The following VPS8 variants were observed in gnomAD, a reference collection of about 807,000 sequenced individuals.
VPS8 encodes VPS8 subunit of CORVET complex, also known as vacuolar protein sorting-associated protein 8 homolog.
Under a neutral mutation model 216.4 loss-of-function variants are expected in VPS8, and 129 were observed. The observed-to-expected ratio is 0.60, with a 90% CI of 0.52 to 0.69. VPS8 has a LOEUF of 0.69. Ranked by LOEUF, VPS8 falls within the 30% of genes least tolerant of loss-of-function variation. The probability of loss-of-function intolerance (pLI) is 0.00; values close to 1 mark genes in which losing one functional copy is unlikely to be tolerated. For synonymous variants in VPS8, 571 were observed against 565.4 expected (o/e 1.01, Z -0.14); for missense variants, 1,531 against 1,683.5 (o/e 0.91, Z 1.59).
chr3:184,994,048 C>T lies in VPS8; in HGVS notation c.3651C>T (p.Thr1217=), dbSNP rs200228565. 2.6e-6 allele frequency: 4 copies of T among 1,561,128 alleles called. No individual in the cohort carries two copies. In the Admixed American group the frequency reaches 7.7e-5, roughly 30 times the overall value. ...GACTTATCTTGGGAATGTTAGATAC[C>T]TTTAACTATGAACAAGTAAGTAAGC... ...IQGLILGMLD[T]FNYEQTLLET... Residue 1217 remains threonine, a synonymous_variant, in exon 43 of 48, where the codon ACC becomes ACT. Transcript: ENST00000625842.
chr3:184,896,346 T>G (rs1198213086), intron 23 of VPS8, among the ~76,000 whole-genome samples: 1 of 152,172 alleles, frequency 6.6e-6, no homozygotes, highest in African/African-American at 2.4e-5. Flanking sequence ...CCCACTACCA[T>G]GTAAATATAC....
chr3:184,995,494 T>C (rs1028063170), intron 43 of VPS8, among the ~76,000 whole-genome samples: 2 of 152,076 alleles, frequency 1.3e-5, no homozygotes, highest in Non-Finnish European at 2.9e-5. Flanking sequence ...TAATACTGAT[T>C]GGAAAGAAGT....
intron 37 of VPS8, 109 bp downstream of exon 37, chr3:184,957,630 T>C: frequency 7.6e-7 from 1 of 1,315,382 alleles, no homozygotes; most frequent in Non-Finnish European, 1.0e-6. Flanking sequence ...TTTTAAACCT[T>C]ATAAATTCTT....
At chr3:184,976,735 G>A (rs985919794) in intron 40 of VPS8, among the ~76,000 whole-genome samples, 14 of 152,106 alleles carry the variant, frequency 9.2e-5, no homozygotes, top group African/African-American at 2.2e-4. Flanking sequence ...CAGTTTCTGC[G>A]TTAGTTTGCT....
At chr3:184,850,846 CA>C (rs149254220) in intron 10 of VPS8, among the ~76,000 whole-genome samples, 8,359 of 152,146 alleles carry the variant, frequency 0.055, 239 homozygotes, top group South Asian at 0.084. Flanking sequence ...AAGTTAGTTA[CA>C]AAAAAGTCTT....
chr3:184,846,387 A>T (rs1319114185), intron 8 of VPS8, among the ~76,000 whole-genome samples: 1 of 152,198 alleles, frequency 6.6e-6, no homozygotes, highest in Non-Finnish European at 1.5e-5. Flanking sequence ...TTTTTAATCT[A>T]CAAGTTATGT....
chr3:185,007,557 C>CT (rs1470027171), intron 45 of VPS8, among the ~76,000 whole-genome samples: 1 of 152,122 alleles, frequency 6.6e-6, no homozygotes, highest in Non-Finnish European at 1.5e-5. Flanking sequence ...GTTAACAGGG[C>CT]TTGGCGTTCT....
intron 45 of VPS8, among the ~76,000 whole-genome samples, chr3:185,013,766 A>G (rs1003789957): frequency 2.0e-5 from 3 of 152,254 alleles, no homozygotes; most frequent in Non-Finnish European, 2.9e-5. Flanking sequence ...ACTTCTTACC[A>G]TTTCTACCAT....
chr3:185,004,133 G>A (rs6444012), intron 45 of VPS8, among the ~76,000 whole-genome samples: 13,455 of 152,150 alleles, frequency 0.088, 630 homozygotes, highest in African/African-American at 0.094. Flanking sequence ...GCAGGCGGCC[G>A]GGAGGTGGAG....
chr3:184,842,385 T>C (rs1235806666), intron 7 of VPS8, among the ~76,000 whole-genome samples: 1 of 151,352 alleles, frequency 6.6e-6, no homozygotes, highest in Non-Finnish European at 1.5e-5. Context: ...CCAGTAGCTT[T>C]CTTGTAGATA....
chr3:184,985,741 T>C (rs926976478), intron 42 of VPS8, among the ~76,000 whole-genome samples: 7 of 152,322 alleles, frequency 4.6e-5, no homozygotes, highest in Admixed American at 3.9e-4. Flanking sequence ...TATAAGTCTC[T>C]CGTTAAGTCT....
At chr3:184,902,279 C>A (rs1449457095) in intron 25 of VPS8, among the ~76,000 whole-genome samples, 2 of 151,800 alleles carry the variant, frequency 1.3e-5, no homozygotes, top group Non-Finnish European at 2.9e-5. Flanking sequence ...AGTTCAAGAC[C>A]AGCCTGGCCA....
chr3:184,938,194 T>A (rs1042456197), intron 35 of VPS8, among the ~76,000 whole-genome samples: 3 of 152,144 alleles, frequency 2.0e-5, no homozygotes, highest in African/African-American at 7.2e-5. Context: ...TTGAATGTGA[T>A]GGGAGGAGTT....
chr3:184,967,631 A>G (rs1440235767), intron 39 of VPS8, among the ~76,000 whole-genome samples: 1 of 152,092 alleles, frequency 6.6e-6, no homozygotes, highest in African/African-American at 2.4e-5. Flanking sequence ...TGAGGTCAGG[A>G]GTTCGAGATC....
intron 22 of VPS8, chr3:184,893,335 A>G: frequency 7.9e-7 from 1 of 1,272,252 alleles, no homozygotes; most frequent in South Asian, 1.3e-5. Flanking sequence ...TAAATAAACC[A>G]TTTACCACTT....
In VPS8 at chr3:184,871,338, TC is replaced by T. The variant is rs1339314768; in HGVS notation, c.1734+534del. Among the ~76,000 whole-genome samples the T allele has an allele frequency of 1.6e-4, 24 of 152,168 alleles. 1 individual carries two copies. Among genetic ancestry groups the T allele is most frequent in the African/African-American group, 5.6e-4 (23 of 41,434 alleles). On this transcript the variant is annotated intron_variant, in intron 21 of 47. Coordinates refer to ENST00000625842, the MANE Select transcript of VPS8 (RefSeq NM_001009921.3). ...TGTATTTATTATGCAGGTTTTACTT[TC>T]TGCAGTGCTCTCCAGTTATATTTGT... is the stretch of plus-strand genomic sequence containing the variant.
chr3:184,976,395 T>G (rs1319422951), intron 40 of VPS8, among the ~76,000 whole-genome samples: 1 of 152,052 alleles, frequency 6.6e-6, no homozygotes, highest in Non-Finnish European at 1.5e-5. Flanking sequence ...TTTTTTTTTG[T>G]TTTTTCATTT....
At chr3:184,974,950 G>A (rs1043360051) in intron 40 of VPS8, among the ~76,000 whole-genome samples, 2 of 152,052 alleles carry the variant, frequency 1.3e-5, no homozygotes, top group African/African-American at 4.8e-5. Flanking sequence ...TGCTGTTTTG[G>A]TTATTACAGC....
intron 34 of VPS8, among the ~76,000 whole-genome samples, chr3:184,933,550 T>G (rs1183597686): frequency 6.6e-6 from 1 of 152,114 alleles, no homozygotes; most frequent in African/African-American, 2.4e-5. Context: ...TGTGTGTGTT[T>G]TTAAGTGGTC....
Sources: allele counts gnomAD v4.1 joint callset (sites outside exome capture counted in the v4.1 genomes callset), GRCh38; gene constraint gnomAD v4.1.1; transcripts MANE v1.5; gene names NCBI Gene and HGNC (gene_info 2026-07-23, HGNC 2026-07-21).